The following POU2F3 variants were observed in gnomAD, a reference collection of about 807,000 sequenced individuals.
The protein encoded by POU2F3 is POU domain, class 2, transcription factor 3.
In POU2F3, 23 loss-of-function variants were observed where a neutral mutation model predicts 59.2. The observed-to-expected ratio is 0.39, with a 90% CI of 0.28 to 0.55. The LOEUF (loss-of-function observed/expected upper bound fraction) is 0.55. Ranked by LOEUF, POU2F3 falls within the 20% of genes least tolerant of loss-of-function variation. The probability of loss-of-function intolerance (pLI) is 0.66; values close to 1 mark genes in which losing one functional copy is unlikely to be tolerated. For synonymous variants in POU2F3, 190 were observed against 214.6 expected (o/e 0.89, Z 1.00); for missense variants, 473 against 544.5 (o/e 0.87, Z 1.31).
At chr11:120,314,755 G>C (rs1223152042) in intron 10 of POU2F3, among the ~76,000 whole-genome samples, 4 of 152,170 alleles carry the variant, frequency 2.6e-5, no homozygotes, top group Admixed American at 2.6e-4. Flanking sequence ...GGTAAACAAA[G>C]TTATCCCAGG....
At chr11:120,287,252 T>C (rs1365808887) in intron 3 of POU2F3, among the ~76,000 whole-genome samples, 1 of 152,196 alleles carries the variant, frequency 6.6e-6, no homozygotes, top group African/African-American at 2.4e-5. Flanking sequence ...TATATGGCCT[T>C]TGGGAAATCA....
intron 3 of POU2F3, among the ~76,000 whole-genome samples, chr11:120,289,504 C>T (rs536743854): frequency 6.6e-6 from 1 of 152,262 alleles, no homozygotes; most frequent in East Asian, 1.9e-4. Flanking sequence ...CCCTCAGAGT[C>T]CCTTCTGAAC....
At chr11:120,267,197 C>T (rs899606045) in intron 2 of POU2F3, among the ~76,000 whole-genome samples, 3 of 151,502 alleles carry the variant, frequency 2.0e-5, no homozygotes, top group South Asian at 4.2e-4. Context: ...CATGCGATCT[C>T]GGCTCACTGC....
Position 120,307,631 on chromosome 11 carries a change from G to A in POU2F3, c.906+16G>A, listed in dbSNP as rs770047311. The A allele has an allele frequency of 3.7e-6, 6 of 1,613,394 alleles. No individual in the cohort carries two copies. Among genetic ancestry groups the A allele is most frequent in the East Asian group, 2.2e-5 (1 of 44,886 alleles). ...GTTTCAAGATGTGAGCAGCACCTTCGGGTGGGCACGGGTGGGCTACCTCAC... is the reference window on the plus strand; with the variant it reads ...GTTTCAAGATGTGAGCAGCACCTTCAGGTGGGCACGGGTGGGCTACCTCAC... On this transcript the variant is annotated intron_variant, in intron 9 of 12. Transcript: ENST00000543440.
intron 10 of POU2F3, among the ~76,000 whole-genome samples, chr11:120,311,646 G>A (rs1941650541): frequency 6.6e-6 from 1 of 152,196 alleles, no homozygotes; most frequent in South Asian, 2.1e-4. Context: ...GATGTACAGT[G>A]AGGCCTGCAG....
At chr11:120,316,663 C>T (rs963419260) in intron 11 of POU2F3, among the ~76,000 whole-genome samples, 6 of 152,124 alleles carry the variant, frequency 3.9e-5, no homozygotes, top group African/African-American at 7.2e-5. Context: ...TGGGCTTAAT[C>T]GGCCCTCCTG....
At position 120,299,691 on chromosome 11, in the gene POU2F3, A is replaced by ATGGG; in HGVS notation, c.326_327insTGGG (p.Gln109HisfsTer77). On this transcript the variant is annotated frameshift_variant, in exon 5 of 13. Coordinates refer to ENST00000543440, the MANE Select transcript of POU2F3 (RefSeq NM_014352.4). LOFTEE classifies it high-confidence loss of function. ...CCCGGCCACTTACAGTCTGTATCCCAGTTCCTGCTATCTCAGACCCAGCCT... is the reference window on the plus strand; with the variant it reads ...CCCGGCCACTTACAGTCTGTATCCCATGGGGTTCCTGCTATCTCAGACCCAGCCT... The ATGGG allele has an allele frequency of 6.2e-7, 1 of 1,613,610 alleles. No homozygotes were observed.
chr11:120,281,057 C>G (rs1049966411), intron 3 of POU2F3, among the ~76,000 whole-genome samples: 18 of 152,156 alleles, frequency 1.2e-4, no homozygotes, highest in African/African-American at 4.1e-4. Flanking sequence ...ACCAGAGAGT[C>G]GTCTTCTCCC....
chr11:120,265,918 G>A (rs977014563), intron 2 of POU2F3: 1 of 152,240 alleles, frequency 6.6e-6, no homozygotes, highest in South Asian at 2.1e-4. Flanking sequence ...TTTTGCTGGT[G>A]CCTCCTCATC....
chr11:120,317,380 C>T lies in POU2F3; in HGVS notation c.1271+16C>T, dbSNP rs984419341. The T allele has an allele frequency of 2.6e-5, 42 of 1,613,704 alleles. No homozygotes were observed. The highest frequency in any genetic ancestry group is 1.3e-4 in the African/African-American group (10 of 74,892). On this transcript the variant is annotated intron_variant, in intron 12 of 12. Coordinates refer to ENST00000543440, the MANE Select transcript of POU2F3 (RefSeq NM_014352.4). ...ACTCTTCAGGGTAAGGTGAAGGGGA[C>T]GGTGCAGAGACATCCCAGCAGGGCC... is the stretch of plus-strand genomic sequence containing the variant.
intron 2 of POU2F3, among the ~76,000 whole-genome samples, chr11:120,252,465 C>A (rs2135144515): frequency 6.6e-6 from 1 of 152,262 alleles, no homozygotes; most frequent in African/African-American, 2.4e-5. Context: ...GCATCGGCCT[C>A]CCAAAGTGCT....
In POU2F3 at chr11:120,305,077, G is replaced by A. The variant is rs763538231; in HGVS notation, c.492G>A (p.Leu164=). Residue 164 remains leucine (L), a synonymous_variant, in exon 7 of 13, where the codon CTG becomes CTA. Transcript: ENST00000543440. ...CAGGATCCTCTTTAGAACCCCACCT[G>A]GAAGCATCCCAGCATCTCCCAGTGC... ...GLPGSSLEPH[L]EASQHLPVPK... is the part of the protein sequence containing the mutation. 2.1e-5 allele frequency: 34 copies of A among 1,613,358 alleles called. No homozygotes were observed. In the Middle Eastern group the frequency reaches 4.9e-4, roughly 23 times the overall value.
At chr11:120,298,200 C>G in intron 3 of POU2F3, 65 bp from the exon 4 acceptor site, 1 of 1,532,296 alleles carries the variant, frequency 6.5e-7, no homozygotes, top group South Asian at 1.2e-5. Context: ...ATCTTCCTGC[C>G]ATTTCCATCT....
intron 2 of POU2F3, chr11:120,254,902 C>A (rs1939274102): frequency 1.3e-5 from 2 of 152,248 alleles, no homozygotes; most frequent in African/African-American, 4.8e-5. Flanking sequence ...TCAGGGAGGG[C>A]AGGCCTTTGT....
chr11:120,268,315 C>T (rs1469873952), intron 2 of POU2F3, among the ~76,000 whole-genome samples: 3 of 151,932 alleles, frequency 2.0e-5, no homozygotes, highest in Non-Finnish European at 2.9e-5. Context: ...AACCAAAAAG[C>T]TTTGCTTTTC....
intron 2 of POU2F3, among the ~76,000 whole-genome samples, chr11:120,257,555 G>A (rs1447191089): frequency 5.3e-5 from 8 of 152,090 alleles, no homozygotes; most frequent in Middle Eastern, 3.4e-3. Context: ...TCTGTTCTCA[G>A]GGCCTCTGAG....
intron 11 of POU2F3, among the ~76,000 whole-genome samples, chr11:120,316,965 A>C (rs189967063): frequency 6.6e-6 from 1 of 151,938 alleles, no homozygotes; most frequent in African/African-American, 2.4e-5. Context: ...CTGTCCTTGG[A>C]TTTGGCAAGT....
At chr11:120,259,280 A>G (rs1242402244) in intron 2 of POU2F3, 1 of 152,190 alleles carries the variant, frequency 6.6e-6, no homozygotes, top group Non-Finnish European at 1.5e-5. Context: ...AAACTCCCCA[A>G]TCCACAGACT....
chr11:120,283,895 C>A (rs1437666841), intron 3 of POU2F3, among the ~76,000 whole-genome samples: 1 of 151,254 alleles, frequency 6.6e-6, no homozygotes, highest in Non-Finnish European at 1.5e-5. Flanking sequence ...AGTGCCTGTG[C>A]GGTTCAGTTA....
Sources: allele counts gnomAD v4.1 joint callset (sites outside exome capture counted in the v4.1 genomes callset), GRCh38; gene constraint gnomAD v4.1.1; transcripts MANE v1.5; gene names NCBI Gene and HGNC (gene_info 2026-07-23, HGNC 2026-07-21).